The following FAAH2 variants were observed in gnomAD, a reference collection of about 807,000 sequenced individuals.
FAAH2 encodes fatty acid amide hydrolase 2, also known as fatty-acid amide hydrolase 2.
In FAAH2, 60 loss-of-function variants were observed where a neutral mutation model predicts 36.9. The ratio of observed to expected loss-of-function variants is 1.63; its 90% confidence interval spans 1.32 to 2.02. The LOEUF is 2.02. FAAH2 is among the 30% of genes most tolerant of loss of function. The pLI, the probability that FAAH2 is intolerant of heterozygous loss-of-function variation, is 0.00. For missense variants in FAAH2, 689 were observed against 397.5 expected (o/e 1.73, Z -6.23); for synonymous variants, 214 against 143.8 (o/e 1.49, Z -3.49).
At chrX:57,313,803 C>A (rs1024367863) in intron 3 of FAAH2, among the ~76,000 whole-genome samples, 9 of 111,417 alleles carry the variant, frequency 8.1e-5, no homozygotes, top group African/African-American at 2.6e-4. Flanking sequence ...CACAGAGACA[C>A]TCAAGCTGAT....
intron 10 of FAAH2, chrX:57,452,145 A>T: frequency 1.3e-6 from 1 of 754,044 alleles, no homozygotes; most frequent in South Asian, 6.7e-5. Context: ...CTGTACTCAA[A>T]GATCTCTTGG....
chrX:57,430,281 T>G lies in FAAH2; in HGVS notation c.997-1637T>G, dbSNP rs1171547642. 8.9e-5 allele frequency among the ~76,000 whole-genome samples: 10 copies of G among 112,094 alleles called. No homozygotes were observed. The Admixed American group carries it at 9.5e-4, about 11-fold the overall frequency. Reference sequence around the variant, plus strand: ...GTCATTTTAGGTCTCCTGGCATTAGTATCAGTTCAGGACCTGTGTCCAATA... The same window carrying G: ...GTCATTTTAGGTCTCCTGGCATTAGGATCAGTTCAGGACCTGTGTCCAATA... On this transcript the variant is annotated intron_variant, in intron 7 of 10. Transcript: ENST00000374900.
At chrX:57,236,381 G>A in the FAAH2 span, among the ~76,000 whole-genome samples, 1 of 112,444 alleles carries the variant, frequency 8.9e-6, no homozygotes, top group African/African-American at 3.2e-5. Flanking sequence ...ACTAGGTTAT[G>A]TGGTGGTTTA....
At chrX:57,165,607 G>T in the FAAH2 span, among the ~76,000 whole-genome samples, 6 of 111,002 alleles carry the variant, frequency 5.4e-5, no homozygotes. Context: ...GAGTTAGTGG[G>T]TGCAGCGCAC....
intron 2 of FAAH2, among the ~76,000 whole-genome samples, chrX:57,305,934 C>G (rs895988747): frequency 7.2e-5 from 8 of 111,832 alleles, no homozygotes; most frequent in Non-Finnish European, 1.3e-4. Flanking sequence ...TCTTTCCTAA[C>G]GTTTCCTAAA....
At chrX:57,415,185 T>C (rs1194951883) in intron 7 of FAAH2, among the ~76,000 whole-genome samples, 1 of 110,203 alleles carries the variant, frequency 9.1e-6, no homozygotes, top group Non-Finnish European at 1.9e-5. Flanking sequence ...AAACAGCTCC[T>C]GGATTCGTTG....
At chrX:57,292,058 A>T (rs2499555) in intron 1 of FAAH2, among the ~76,000 whole-genome samples, 1 of 109,799 alleles carries the variant, frequency 9.1e-6, no homozygotes, top group African/African-American at 3.3e-5. Flanking sequence ...GGAAACCCTA[A>T]CTTTATGCCC....
intron 7 of FAAH2, among the ~76,000 whole-genome samples, chrX:57,383,459 G>T (rs953643481): frequency 7.1e-5 from 8 of 111,947 alleles, no homozygotes; most frequent in African/African-American, 9.7e-5. Flanking sequence ...CTTAAGCTGA[G>T]AAGCAACTTC....
chrX:57,432,125 G>T, intron 8 of FAAH2, 88 bp downstream of exon 8: 1 of 810,498 alleles, frequency 1.2e-6, no homozygotes, highest in Non-Finnish European at 1.7e-6. Flanking sequence ...GAGGTGTAGA[G>T]AAAAGAAACT....
At chrX:57,285,756 C>T (rs1256842775), upstream of FAAH2, among the ~76,000 whole-genome samples, 6 of 111,706 alleles carry the variant, frequency 5.4e-5, no homozygotes, top group Non-Finnish European at 3.8e-5. Context: ...TCATGAGAGT[C>T]GAATGCTGGA....
the FAAH2 span, among the ~76,000 whole-genome samples, chrX:57,200,455 T>G: frequency 9.3e-6 from 1 of 107,377 alleles, no homozygotes; most frequent in Non-Finnish European, 1.9e-5. Context: ...CCTGGCCCAC[T>G]GCAATCTCCG....
chrX:57,358,431 A>G (rs1319416758), intron 5 of FAAH2, among the ~76,000 whole-genome samples: 3 of 111,661 alleles, frequency 2.7e-5, no homozygotes, highest in Admixed American at 9.6e-5. Context: ...GATAACTCAT[A>G]TAAGTGGAAT....
the FAAH2 span, among the ~76,000 whole-genome samples, chrX:57,247,930 T>A: frequency 8.9e-6 from 1 of 112,438 alleles, no homozygotes; most frequent in Non-Finnish European, 1.9e-5. Flanking sequence ...GTAAATTTTC[T>A]TCAACAGAAT....
intron 5 of FAAH2, among the ~76,000 whole-genome samples, chrX:57,350,684 C>G (rs756874995): frequency 1.8e-5 from 2 of 110,513 alleles, no homozygotes; most frequent in Non-Finnish European, 3.8e-5. Context: ...AAATGAACAT[C>G]AAAATTGGGC....
At chrX:57,319,225 C>G (rs2052939004) in intron 3 of FAAH2, among the ~76,000 whole-genome samples, 1 of 111,746 alleles carries the variant, frequency 8.9e-6, no homozygotes, top group Middle Eastern at 4.2e-3. Flanking sequence ...GAGAGGAAGT[C>G]AAGTTGTCTC....
At chrX:57,414,802 T>C (rs2055796539) in intron 7 of FAAH2, among the ~76,000 whole-genome samples, 1 of 108,571 alleles carries the variant, frequency 9.2e-6, no homozygotes, top group South Asian at 4.1e-4. Flanking sequence ...TATCAACTCC[T>C]CCTTGTACCT....
At chrX:57,439,450 T>C (rs1339241516) in intron 8 of FAAH2, among the ~76,000 whole-genome samples, 7 of 111,741 alleles carry the variant, frequency 6.3e-5, no homozygotes, top group African/African-American at 2.3e-4. Flanking sequence ...GATGGGGTTG[T>C]TTGTTTTTTT....
At chrX:57,463,422 C>T (rs1416660073) in intron 10 of FAAH2, among the ~76,000 whole-genome samples, 1 of 111,370 alleles carries the variant, frequency 9.0e-6, no homozygotes, top group Admixed American at 9.6e-5. Flanking sequence ...TACAAGACTA[C>T]AGTAACCAAA....
chrX:57,193,018 C>A, the FAAH2 span, among the ~76,000 whole-genome samples: 2 of 112,234 alleles, frequency 1.8e-5, no homozygotes, highest in Non-Finnish European at 3.8e-5. Context: ...GAAGAAAGAA[C>A]AGGATAACAG....
Sources: gnomAD v4.1 joint callset for allele counts (sites outside exome capture counted in the v4.1 genomes callset) on GRCh38, gnomAD v4.1.1 for gene constraint, MANE v1.5 for transcripts, NCBI Gene and HGNC (gene_info 2026-07-23, HGNC 2026-07-21) for gene names.